The following NBPF9 variants were observed in gnomAD, a reference collection of about 807,000 sequenced individuals.
NBPF9 encodes NBPF family member NBPF9.
In NBPF9, 91 loss-of-function variants were observed where a neutral mutation model predicts 97.8. The ratio of observed to expected loss-of-function variants is 0.93; its 90% CI spans 0.79 to 1.11. The LOEUF (loss-of-function observed/expected upper bound fraction) is 1.11, where lower values mean the gene tolerates loss of function less well. Ranked by LOEUF, NBPF9 falls within the 50% of genes least tolerant of loss-of-function variation. The pLI, the probability that NBPF9 is intolerant of heterozygous loss-of-function variation, is 0.00. For synonymous variants in NBPF9, 334 were observed against 359.5 expected (o/e 0.93, Z 0.80); for missense variants, 992 against 939.5 (o/e 1.06, Z -0.73).
At chr1:149,082,957 C>CTTTTTTTTTTTTTTTTTTTT (rs1157992196) in intron 5 of NBPF9, among the ~76,000 whole-genome samples, 21 of 66,456 alleles carry the variant, frequency 3.2e-4, no homozygotes, top group Non-Finnish European at 4.1e-4. Context: ...TTTTTCTTTT[C>CTTTTTTTTTTTTTTTTTTTT]TTTTTTTTTT....
chr1:149,056,137 T>C (rs2078221175), intron 29 of NBPF9, among the ~76,000 whole-genome samples: 2 of 151,538 alleles, frequency 1.3e-5, no homozygotes, highest in Non-Finnish European at 2.9e-5. Flanking sequence ...GAAAGTGAGC[T>C]AGTGAATTGG....
At chr1:149,064,172 C>T (rs373553680) in intron 19 of NBPF9, among the ~76,000 whole-genome samples, 1 of 138,988 alleles carries the variant, frequency 7.2e-6, no homozygotes, top group Non-Finnish European at 1.5e-5. Flanking sequence ...ATAAAATGTG[C>T]TCAAGTTTCC....
At chr1:149,055,127 G>A (rs1271266155) in exon 30 of NBPF9, 2 of 177,742 alleles carry the variant, frequency 1.1e-5, no homozygotes, top group African/African-American at 2.4e-5. Context: ...TCTAACCAAA[G>A]GAGCCTAGCG....
downstream of NBPF9, among the ~76,000 whole-genome samples, chr1:149,052,642 G>GTA (rs1177635129): frequency 2.1e-4 from 32 of 149,858 alleles, no homozygotes; most frequent in East Asian, 5.8e-4. Flanking sequence ...GCAAATTCAT[G>GTA]TATATATATA....
At chr1:149,100,596 T>C (rs2152927786) in intron 3 of NBPF9, among the ~76,000 whole-genome samples, 1 of 152,044 alleles carries the variant, frequency 6.6e-6, no homozygotes, top group South Asian at 2.1e-4. Flanking sequence ...GGATAGTCTT[T>C]TCAATAAATG....
chr1:149,090,392 T>C (rs2081338242), intron 5 of NBPF9: 1 of 233,288 alleles, frequency 4.3e-6, no homozygotes, highest in African/African-American at 2.3e-5. Flanking sequence ...ACCAATTCTA[T>C]GACCATCTGT....
In NBPF9 at chr1:149,064,882, G is replaced by C. The variant is rs1575829408; in HGVS notation, c.1802-400C>G. 16 of 526,850 alleles carry C rather than the reference G, an allele frequency of 3.0e-5. No individual in the cohort carries two copies. The South Asian group carries it at 3.5e-4, about 12-fold the overall frequency. 32.6% of individuals were successfully genotyped at this position (526,850 alleles called of 1,614,324 possible). The stretch of plus-strand genomic sequence containing the variant: ...ATTGTGGACACAGAGATTTGATGAG[G>C]GGGTGCAATGAACCAGCTCTTGAGT... On this transcript the variant is annotated intron_variant, in intron 18 of 29. Coordinates refer to ENST00000584027, the Ensembl canonical transcript of NBPF9.
intron 19 of NBPF9, among the ~76,000 whole-genome samples, chr1:149,064,033 C>T (rs1353585302): frequency 3.2e-5 from 4 of 125,970 alleles, no homozygotes; most frequent in Admixed American, 8.1e-5. Flanking sequence ...CACACACACA[C>T]ACACAGAGCG....
At chr1:149,077,931 T>C (rs1332129178) in exon 10 of NBPF9, 5 of 1,531,662 alleles carry the variant, frequency 3.3e-6, no homozygotes, top group Non-Finnish European at 4.5e-6. Context: ...AACTTGAACA[T>C]CTTCATCCTC....
Position 149,068,531 on chromosome 1 carries a change from G to A in NBPF9, c.1637+1063C>T, listed in dbSNP as rs868985162. The stretch of plus-strand genomic sequence containing the variant: ...AACAAAGATCAAAAGAGACAAAGAA[G>A]GCCACTACATAATGGTAAAGGGATC... On this transcript the variant is annotated intron_variant, in intron 17 of 29. Transcript: ENST00000584027. Among the ~76,000 whole-genome samples, 344 of 151,230 alleles carry A rather than the reference G, an allele frequency of 2.3e-3. 1 individual carries two copies. Among genetic ancestry groups the A allele is most frequent in the African/African-American group, 8.1e-3 (330 of 40,936 alleles).
Position 149,065,914 on chromosome 1 carries a change from G to T in NBPF9, c.1638-225C>A, listed in dbSNP as rs1486318231. ...GCGTGTGCTCAGTACATTTGCCACA[G>T]ATGAGCCAACTCAGGGCACCCAGAC... is the stretch of plus-strand genomic sequence containing the variant. On this transcript the variant is annotated intron_variant, in intron 17 of 29. Coordinates refer to ENST00000584027, the Ensembl canonical transcript of NBPF9. 7.7e-6 allele frequency: 5 copies of T among 646,658 alleles called. No homozygotes were observed. In the Admixed American group the frequency reaches 1.2e-4, roughly 15 times the overall value. 40.1% of individuals were successfully genotyped at this position (646,658 alleles called of 1,614,324 possible). A position where few individuals can be genotyped will look rare whatever the true frequency, so the allele number is the denominator to read the frequency against.
intron 3 of NBPF9, among the ~76,000 whole-genome samples, chr1:149,100,960 T>TA (rs1238857984): frequency 6.6e-6 from 1 of 151,056 alleles, no homozygotes; most frequent in Non-Finnish European, 1.5e-5. Flanking sequence ...ATGCAAAAAC[T>TA]AAAATAAAAT....
intron 5 of NBPF9, among the ~76,000 whole-genome samples, chr1:149,089,749 T>C (rs1268051798): frequency 6.6e-6 from 1 of 152,312 alleles, no homozygotes; most frequent in Admixed American, 6.5e-5. Flanking sequence ...GTTCCAACAG[T>C]TGTATTATAA....
At chr1:149,061,454 A>T (rs2078591171) in intron 22 of NBPF9, 71 bp from the exon 23 acceptor site, 1 of 421,810 alleles carries the variant, frequency 2.4e-6, no homozygotes, top group East Asian at 4.5e-5. Context: ...CCACTGTCTA[A>T]TCCCCACACA....
intron 20 of NBPF9, 126 bp downstream of exon 20, chr1:149,063,507 A>T (rs2078779766): frequency 5.7e-6 from 4 of 701,320 alleles, no homozygotes; most frequent in Non-Finnish European, 7.6e-6. Context: ...TTCAACGTAC[A>T]TGTGCCTATA....
intron 5 of NBPF9, among the ~76,000 whole-genome samples, chr1:149,088,250 T>C (rs1219058894): frequency 2.0e-5 from 3 of 152,256 alleles, no homozygotes; most frequent in African/African-American, 7.2e-5. Flanking sequence ...ACCACTTATA[T>C]TGAGAGCTTA....
intron 5 of NBPF9, among the ~76,000 whole-genome samples, chr1:149,082,957 C>CTTTTTTGTTTTTT (rs2080628390): frequency 1.5e-5 from 1 of 66,470 alleles, no homozygotes; most frequent in Non-Finnish European, 2.6e-5. Context: ...TTTTTCTTTT[C>CTTTTTTGTTTTTT]TTTTTTTTTT....
At chr1:149,072,817 T>A (rs782186040) in exon 14 of NBPF9, 44 of 1,595,124 alleles carry the variant, frequency 2.8e-5, no homozygotes, top group Non-Finnish European at 3.6e-5. Flanking sequence ...TCATCCGGAG[T>A]GAGGAGGGCC....
chr1:149,074,168 G>A (rs1187574039), intron 12 of NBPF9, among the ~76,000 whole-genome samples: 1 of 151,374 alleles, frequency 6.6e-6, no homozygotes. Flanking sequence ...TCTGAATGCG[G>A]GGCCACTTTC....
Sources: gnomAD v4.1 joint callset for allele counts (sites outside exome capture counted in the v4.1 genomes callset) on GRCh38, gnomAD v4.1.1 for gene constraint, MANE v1.5 for transcripts, NCBI Gene and HGNC (gene_info 2026-07-23, HGNC 2026-07-21) for gene names.